Variants in TCERG1L observed in about 807,000 individuals in gnomAD.
The protein encoded by TCERG1L is transcription elongation regulator 1 like, also known as transcription elongation regulator 1-like protein.
TCERG1L carries 37 observed loss-of-function variants against 56.3 expected under a neutral mutation model. The observed-to-expected ratio is 0.66, with a 90% confidence interval of 0.51 to 0.87. The LOEUF (loss-of-function observed/expected upper bound fraction) is 0.87. TCERG1L is among the 40% of genes least tolerant of loss of function. TCERG1L has a pLI of 0.00. For missense variants in TCERG1L, 799 were observed against 774.2 expected (o/e 1.03, Z -0.38); for synonymous variants, 324 against 326.3 (o/e 0.99, Z 0.08).
At chr10:131,109,917 G>A (rs766128617) in intron 9 of TCERG1L, among the ~76,000 whole-genome samples, 4 of 152,208 alleles carry the variant, frequency 2.6e-5, no homozygotes, top group Non-Finnish European at 4.4e-5. Context: ...AGGCCAGGGC[G>A]GCAGTTTCCA....
intron 3 of TCERG1L, among the ~76,000 whole-genome samples, chr10:131,263,081 G>T (rs1846249351): frequency 6.6e-6 from 1 of 152,066 alleles, no homozygotes; most frequent in South Asian, 2.1e-4. Flanking sequence ...GGATTTTATG[G>T]TAAGAGTGTG....
intron 3 of TCERG1L, among the ~76,000 whole-genome samples, chr10:131,291,575 C>T (rs1297995679): frequency 1.3e-5 from 2 of 150,780 alleles, no homozygotes; most frequent in East Asian, 3.9e-4. Context: ...TACAGGCGCC[C>T]GCCAACACAC....
Position 131,311,591 on chromosome 10 carries a change from C to T in TCERG1L, c.45G>A (p.Gln15=). 1 of 1,151,688 alleles carries T rather than the reference C, an allele frequency of 8.7e-7. No homozygotes were observed. The allele number at this position is 1,151,688 out of a possible 1,614,324, so 71.3% of individuals were successfully genotyped here. The part of the protein sequence containing the change: ...ARFQRRRRQL[Q]QQQPRRRQPL... ...GCTGCCGCCGCCGGGGCTGCTGCTGCTGCAGCTGCCGCCGCCGCCGCTGGA... is the reference window on the plus strand; with the variant it reads ...GCTGCCGCCGCCGGGGCTGCTGCTGTTGCAGCTGCCGCCGCCGCCGCTGGA... Residue 15 remains glutamine, a synonymous_variant, in exon 1 of 12, where the codon CAG becomes CAA. Transcript: ENST00000368642. This position sits in a 1 kb window ranked among gnomAD's most constrained non-coding sequence, Gnocchi z 4.0.
intron 3 of TCERG1L, among the ~76,000 whole-genome samples, chr10:131,294,924 C>T (rs1484851083): frequency 6.6e-6 from 1 of 151,896 alleles, no homozygotes. Flanking sequence ...CTTATGAAAC[C>T]ACTGAGGCCA....
intron 3 of TCERG1L, among the ~76,000 whole-genome samples, chr10:131,303,540 G>A (rs1846790413): frequency 6.6e-6 from 1 of 152,006 alleles, no homozygotes; most frequent in Admixed American, 6.5e-5. Context: ...CTTGTCAGAT[G>A]GATAGATTGC....
At chr10:131,115,747 T>C (rs1845454102) in intron 9 of TCERG1L, among the ~76,000 whole-genome samples, 1 of 152,084 alleles carries the variant, frequency 6.6e-6, no homozygotes, top group African/African-American at 2.4e-5. Context: ...AGCTCCTTCC[T>C]CCATAAAATT....
chr10:131,274,746 G>A (rs1846375388), intron 3 of TCERG1L, among the ~76,000 whole-genome samples: 1 of 152,110 alleles, frequency 6.6e-6, no homozygotes, highest in South Asian at 2.1e-4. Flanking sequence ...CCCTCACATT[G>A]CCCTTGTGCT....
At chr10:131,104,817 A>G (rs867272112) in intron 9 of TCERG1L, among the ~76,000 whole-genome samples, 1 of 152,270 alleles carries the variant, frequency 6.6e-6, no homozygotes, top group South Asian at 2.1e-4. Flanking sequence ...TTTTGTTTGC[A>G]ATAGTTTTAG....
intron 8 of TCERG1L, among the ~76,000 whole-genome samples, chr10:131,125,206 A>ATG (rs1845552917): frequency 2.0e-5 from 1 of 48,992 alleles, no homozygotes; most frequent in African/African-American, 6.7e-5. Flanking sequence ...GATGGTGATG[A>ATG]ACATGATGAT....
At chr10:131,281,476 G>A (rs1312623095) in intron 3 of TCERG1L, among the ~76,000 whole-genome samples, 1 of 152,108 alleles carries the variant, frequency 6.6e-6, no homozygotes, top group East Asian at 1.9e-4. Flanking sequence ...TCAAGAGTGA[G>A]CACCACCTTG....
At chr10:131,222,827 G>A (rs963739639) in intron 4 of TCERG1L, among the ~76,000 whole-genome samples, 2 of 152,196 alleles carry the variant, frequency 1.3e-5, no homozygotes, top group Non-Finnish European at 2.9e-5. Context: ...GGAGGGTCAT[G>A]AGAGAAGGCT....
intron 6 of TCERG1L, among the ~76,000 whole-genome samples, chr10:131,156,645 A>T (rs984590893): frequency 1.3e-5 from 2 of 152,162 alleles, no homozygotes; most frequent in African/African-American, 4.8e-5. Context: ...TCGACCCCTG[A>T]CCTAATCGGT....
chr10:131,272,068 A>G (rs1304674071), intron 3 of TCERG1L, among the ~76,000 whole-genome samples: 2 of 152,202 alleles, frequency 1.3e-5, no homozygotes, highest in Non-Finnish European at 2.9e-5. Flanking sequence ...CACAGCAGGC[A>G]CACGGGGCTC....
intron 4 of TCERG1L, among the ~76,000 whole-genome samples, chr10:131,238,316 C>A (rs1014727643): frequency 2.6e-5 from 4 of 152,198 alleles, no homozygotes; most frequent in African/African-American, 9.6e-5. Context: ...AGACAGTTTG[C>A]AGAAGATATG....
intron 7 of TCERG1L, among the ~76,000 whole-genome samples, chr10:131,145,827 A>C (rs901463183): frequency 2.0e-5 from 3 of 152,262 alleles, no homozygotes; most frequent in African/African-American, 7.2e-5. Context: ...AGTGGAGTCA[A>C]GACCGTTTGA....
intron 4 of TCERG1L, among the ~76,000 whole-genome samples, chr10:131,177,246 C>T (rs377688206): frequency 3.1e-3 from 451 of 145,744 alleles, no homozygotes; most frequent in Non-Finnish European, 5.2e-3. Context: ...ATGTACACTA[C>T]ACACACACAG....
intron 4 of TCERG1L, among the ~76,000 whole-genome samples, chr10:131,195,402 C>T (rs760220147): frequency 4.6e-5 from 7 of 152,194 alleles, no homozygotes; most frequent in Non-Finnish European, 7.3e-5. Flanking sequence ...AACCAGAACA[C>T]GACTGTGGCA....
chr10:131,101,260 C>T (rs1845301683), intron 10 of TCERG1L, among the ~76,000 whole-genome samples: 2 of 152,224 alleles, frequency 1.3e-5, no homozygotes, highest in Admixed American at 1.3e-4. Context: ...AGGGGACCAG[C>T]GCTGCCCTGC....
chr10:131,257,054 A>AAAGGAAGG (rs1336988347), intron 4 of TCERG1L, among the ~76,000 whole-genome samples: 2 of 135,458 alleles, frequency 1.5e-5, no homozygotes, highest in East Asian at 4.6e-4. Flanking sequence ...AGAAAGAAAG[A>AAAGGAAGG]AAAGAAAGAA....
Sources: allele counts gnomAD v4.1 joint callset (sites outside exome capture counted in the v4.1 genomes callset), GRCh38; gene constraint gnomAD v4.1.1; non-coding constraint Gnocchi (gnomAD v3.1); transcripts MANE v1.5; gene names NCBI Gene and HGNC (gene_info 2026-07-23, HGNC 2026-07-21).